Variants in HMGCLL1 observed in about 807,000 individuals in gnomAD.
The protein encoded by HMGCLL1 is 3-hydroxy-3-methylglutaryl-CoA lyase like 1, also known as 3-hydroxymethyl-3-methylglutaryl-CoA lyase, cytoplasmic.
HMGCLL1 carries 36 observed loss-of-function variants against 39.1 expected under a neutral mutation model. That is an observed-to-expected ratio of 0.92 (90% CI 0.71 to 1.22). The LOEUF is 1.22. Ranked by LOEUF, HMGCLL1 falls within the 50% of genes most tolerant of loss-of-function variation. The pLI is 0.00. For synonymous variants in HMGCLL1, 149 were observed against 144.0 expected (o/e 1.03, Z -0.25); for missense variants, 451 against 416.5 (o/e 1.08, Z -0.72).
the HMGCLL1 span, among the ~76,000 whole-genome samples, chr6:55,617,495 C>T: frequency 4.6e-5 from 7 of 152,146 alleles, no homozygotes; most frequent in South Asian, 1.5e-3. Flanking sequence ...ATGGAGTTGC[C>T]AGCTCTGCTA....
chr6:55,454,510 T>C (rs1294917239), intron 7 of HMGCLL1, among the ~76,000 whole-genome samples: 1 of 152,150 alleles, frequency 6.6e-6, no homozygotes, highest in African/African-American at 2.4e-5. Context: ...CAATTTCCCA[T>C]TTTCCCTAGC....
intron 3 of HMGCLL1, among the ~76,000 whole-genome samples, chr6:55,519,749 T>C (rs1006361129): frequency 1.3e-5 from 2 of 152,110 alleles, no homozygotes; most frequent in Non-Finnish European, 2.9e-5. Context: ...ATATGTATTC[T>C]CATGATAACA....
At chr6:55,574,674 T>C (rs567092345) in intron 1 of HMGCLL1, among the ~76,000 whole-genome samples, 1 of 152,084 alleles carries the variant, frequency 6.6e-6, no homozygotes, top group South Asian at 2.1e-4. Context: ...GGCAGTTTGG[T>C]CCCTGTCTGA....
chr6:55,552,650 C>A (rs1423688201), intron 1 of HMGCLL1, among the ~76,000 whole-genome samples: 1 of 151,898 alleles, frequency 6.6e-6, no homozygotes, highest in African/African-American at 2.4e-5. Context: ...TTTATTTATT[C>A]ATCCACTTAC....
the HMGCLL1 span, among the ~76,000 whole-genome samples, chr6:55,619,171 A>G: frequency 6.6e-6 from 1 of 152,098 alleles, no homozygotes; most frequent in African/African-American, 2.4e-5. Context: ...AGGCTATCAG[A>G]TGGATGAATT....
At chr6:55,492,327 TTTC>T (rs1163510525) in intron 7 of HMGCLL1, among the ~76,000 whole-genome samples, 1 of 152,172 alleles carries the variant, frequency 6.6e-6, no homozygotes, top group African/African-American at 2.4e-5. Context: ...TTCAATATAT[TTTC>T]TTCTTCTCCT....
At chr6:55,619,865 C>T in the HMGCLL1 span, among the ~76,000 whole-genome samples, 1 of 152,104 alleles carries the variant, frequency 6.6e-6, no homozygotes, top group Non-Finnish European at 1.5e-5. Context: ...CCATCCCAGC[C>T]TCCATTCTAC....
the HMGCLL1 span, among the ~76,000 whole-genome samples, chr6:55,651,002 G>A: frequency 2.0e-5 from 3 of 152,078 alleles, no homozygotes; most frequent in African/African-American, 4.8e-5. Context: ...CTGGACTTGG[G>A]GACCCTAAGA....
rs1046529817 is a variant in HMGCLL1 at position 55,447,357 on chromosome 6, G to C, written c.796-7798C>G. Among the ~76,000 whole-genome samples the C allele has an allele frequency of 3.3e-5, 5 of 151,922 alleles. 1 individual carries two copies. Among genetic ancestry groups the C allele is most frequent in the Non-Finnish European group, 7.4e-5 (5 of 67,920 alleles). On this transcript the variant is annotated intron_variant, in intron 7 of 8. Transcript: ENST00000274901. ...GTAAACAGGAGTATATATAAAAATT[G>C]GTAAGTAAATAATAGGATTATATAT...
intron 5 of HMGCLL1, among the ~76,000 whole-genome samples, chr6:55,501,061 TCACACTTTCCCTCCAGGACATTTC>T (rs565716213): frequency 8.0e-4 from 121 of 151,954 alleles, no homozygotes; most frequent in African/African-American, 2.9e-3. Flanking sequence ...TTTTATTTAT[TCACACTTTCCCTCCAGGACATTTC>T]CATGCCTGTG....
At chr6:55,577,100 C>T in intron 1 of HMGCLL1, 1 of 1,613,242 alleles carries the variant, frequency 6.2e-7, no homozygotes, top group Non-Finnish European at 8.5e-7. Flanking sequence ...AGCCACCGTG[C>T]CTGCCAAGGA....
the HMGCLL1 span, among the ~76,000 whole-genome samples, chr6:55,597,508 A>G: frequency 1.3e-5 from 2 of 151,818 alleles, no homozygotes; most frequent in Admixed American, 6.6e-5. Context: ...AAAACATATT[A>G]AGATGTTAAA....
At chr6:55,500,601 G>T (rs1318607848) in intron 5 of HMGCLL1, among the ~76,000 whole-genome samples, 1 of 151,948 alleles carries the variant, frequency 6.6e-6, no homozygotes, top group East Asian at 1.9e-4. Flanking sequence ...AAGCAGTTAT[G>T]AGGGATAGAA....
the HMGCLL1 span, among the ~76,000 whole-genome samples, chr6:55,615,464 G>A: frequency 2.0e-5 from 3 of 152,154 alleles, no homozygotes; most frequent in African/African-American, 7.2e-5. Flanking sequence ...CAGGTGGAGT[G>A]TAAAGGGAAA....
chr6:55,541,416 G>GAGAT (rs1019580815), intron 3 of HMGCLL1, among the ~76,000 whole-genome samples: 4 of 152,060 alleles, frequency 2.6e-5, no homozygotes, highest in Non-Finnish European at 5.9e-5. Flanking sequence ...AATGCATTTG[G>GAGAT]AGATGTTCAG....
At chr6:55,437,575 T>C (rs1763422142) in intron 8 of HMGCLL1, among the ~76,000 whole-genome samples, 1 of 151,970 alleles carries the variant, frequency 6.6e-6, no homozygotes, top group East Asian at 1.9e-4. Context: ...TAAATATCCA[T>C]GGCGTATATG....
intron 1 of HMGCLL1, among the ~76,000 whole-genome samples, chr6:55,554,999 A>G (rs1207861563): frequency 6.6e-6 from 1 of 152,234 alleles, no homozygotes; most frequent in Non-Finnish European, 1.5e-5. Flanking sequence ...TGCAAGGCAG[A>G]AAGCAGCCTT....
At chr6:55,524,917 G>A (rs1768234066) in intron 3 of HMGCLL1, among the ~76,000 whole-genome samples, 1 of 151,454 alleles carries the variant, frequency 6.6e-6, no homozygotes, top group Non-Finnish European at 1.5e-5. Flanking sequence ...AACTGTAACA[G>A]CATGGGTTTT....
chr6:55,650,100 T>TATATATACACACATATAC, the HMGCLL1 span, among the ~76,000 whole-genome samples: 2 of 33,180 alleles, frequency 6.0e-5, no homozygotes, highest in African/African-American at 3.9e-4. Flanking sequence ...CATATATATA[T>TATATATACACACATATAC]ATATATATAT....
Sources: allele counts gnomAD v4.1 joint callset (sites outside exome capture counted in the v4.1 genomes callset), GRCh38; gene constraint gnomAD v4.1.1; transcripts MANE v1.5; gene names NCBI Gene and HGNC (gene_info 2026-07-23, HGNC 2026-07-21).